The following LSAMP variants were observed in gnomAD, a reference collection of about 807,000 sequenced individuals.
LSAMP encodes the protein limbic system associated membrane protein.
LSAMP carries 7 observed loss-of-function variants against 38.6 expected under a neutral mutation model. The ratio of observed to expected loss-of-function variants is 0.18; its 90% CI spans 0.10 to 0.34. LSAMP has a LOEUF of 0.34. Ranked by LOEUF, LSAMP falls within the 10% of genes least tolerant of loss-of-function variation. LSAMP has a pLI of 1.00. For missense variants in LSAMP, 313 were observed against 420.0 expected, an observed-to-expected ratio of 0.75 and a Z score of 2.23; for synonymous variants, 154 against 166.8, an observed-to-expected ratio of 0.92 and a Z score of 0.59.
chr3:116,374,622 C>T (rs567943505), intron 1 of LSAMP, among the ~76,000 whole-genome samples: 1 of 151,976 alleles, frequency 6.6e-6, no homozygotes, highest in Non-Finnish European at 1.5e-5. Flanking sequence ...CTGAATTGTA[C>T]AGAATTTCAA....
intron 1 of LSAMP, among the ~76,000 whole-genome samples, chr3:116,328,332 G>A (rs938684972): frequency 6.6e-5 from 10 of 152,124 alleles, no homozygotes; most frequent in African/African-American, 9.7e-5. Flanking sequence ...AATTAGAATC[G>A]AAATTCTTTA....
intron 3 of LSAMP, among the ~76,000 whole-genome samples, chr3:115,875,752 T>A (rs16824221): frequency 0.19 from 28,753 of 151,774 alleles, 3,486 homozygotes; most frequent in African/African-American, 0.33. Flanking sequence ...ATAGGCCTTA[T>A]GATTGTGTTA....
intron 3 of LSAMP, among the ~76,000 whole-genome samples, chr3:115,969,853 T>C (rs373757495): frequency 2.2e-4 from 34 of 152,284 alleles, no homozygotes; most frequent in African/African-American, 7.7e-4. Flanking sequence ...AAAATGTTAC[T>C]TTTTAACGTC....
intron 1 of LSAMP, among the ~76,000 whole-genome samples, chr3:116,321,870 C>G (rs2047710973): frequency 6.6e-6 from 1 of 152,170 alleles, no homozygotes; most frequent in Admixed American, 6.5e-5. Flanking sequence ...CTTCCCTGCT[C>G]TTAAGGCTAG....
At chr3:115,964,594 G>C (rs551491175) in intron 3 of LSAMP, among the ~76,000 whole-genome samples, 6 of 152,132 alleles carry the variant, frequency 3.9e-5, no homozygotes, top group African/African-American at 1.4e-4. Context: ...TAGCAGGAAA[G>C]AAACAAAACA....
chr3:116,270,799 C>T (rs1003735964), intron 1 of LSAMP, among the ~76,000 whole-genome samples: 6 of 152,012 alleles, frequency 3.9e-5, no homozygotes, highest in South Asian at 2.1e-4. Context: ...CCAGGTTCTG[C>T]GAACAAAACC....
chr3:116,353,112 A>G (rs945892313), intron 1 of LSAMP, among the ~76,000 whole-genome samples: 2 of 152,062 alleles, frequency 1.3e-5, no homozygotes, highest in Non-Finnish European at 2.9e-5. Context: ...TGACCTCTGG[A>G]TAATCAGGGT....
chr3:116,234,829 T>C (rs888886856), intron 1 of LSAMP, among the ~76,000 whole-genome samples: 3 of 152,148 alleles, frequency 2.0e-5, no homozygotes, highest in Non-Finnish European at 4.4e-5. Flanking sequence ...AAGTGGAATG[T>C]ACCTCCCAAA....
chr3:116,392,925 C>T (rs1323718588), intron 1 of LSAMP, among the ~76,000 whole-genome samples: 1 of 152,128 alleles, frequency 6.6e-6, no homozygotes, highest in East Asian at 1.9e-4. Context: ...CAAGTTGCTG[C>T]AAAGAGGAAC....
At chr3:116,325,935 G>T (rs144277656) in intron 1 of LSAMP, among the ~76,000 whole-genome samples, 1 of 152,130 alleles carries the variant, frequency 6.6e-6, no homozygotes, top group African/African-American at 2.4e-5. Context: ...AAGCACAAGC[G>T]TATCCAAAGA....
intron 1 of LSAMP, among the ~76,000 whole-genome samples, chr3:116,306,698 C>T (rs1359807604): frequency 6.6e-6 from 1 of 151,970 alleles, no homozygotes; most frequent in African/African-American, 2.4e-5. Flanking sequence ...AACTATAAAA[C>T]AAAAGTCATA....
chr3:116,246,303 C>T (rs1421912649), intron 1 of LSAMP, among the ~76,000 whole-genome samples: 1 of 151,930 alleles, frequency 6.6e-6, no homozygotes, highest in Non-Finnish European at 1.5e-5. Context: ...GTATCATTGC[C>T]AGAATACATT....
intron 3 of LSAMP, among the ~76,000 whole-genome samples, chr3:116,009,076 A>G (rs1360439576): frequency 6.6e-6 from 1 of 152,166 alleles, no homozygotes. Flanking sequence ...TCTCTGAACC[A>G]CCTCTCAATC....
intron 3 of LSAMP, among the ~76,000 whole-genome samples, chr3:115,937,223 C>T (rs1937733039): frequency 6.6e-6 from 1 of 152,074 alleles, no homozygotes. Flanking sequence ...ATCGACCAAA[C>T]CATTAACAGC....
At chr3:116,223,857 C>A (rs910127418) in intron 1 of LSAMP, among the ~76,000 whole-genome samples, 1 of 152,122 alleles carries the variant, frequency 6.6e-6, no homozygotes, top group African/African-American at 2.4e-5. Context: ...TGCATACAAA[C>A]TATATAGAGA....
At chr3:115,884,366 C>T (rs1472780697) in intron 3 of LSAMP, among the ~76,000 whole-genome samples, 1 of 151,946 alleles carries the variant, frequency 6.6e-6, no homozygotes, top group Non-Finnish European at 1.5e-5. Context: ...TTTCTGATAG[C>T]TTTAAGATGG....
At chr3:116,403,494 G>GAA (rs542504536) in intron 1 of LSAMP, among the ~76,000 whole-genome samples, 1 of 146,176 alleles carries the variant, frequency 6.8e-6, no homozygotes, top group African/African-American at 2.5e-5. Flanking sequence ...TTCTTAAAAA[G>GAA]AAAAAAAAAA....
intron 1 of LSAMP, among the ~76,000 whole-genome samples, chr3:116,423,894 A>G (rs1327129417): frequency 6.6e-6 from 1 of 152,252 alleles, no homozygotes; most frequent in East Asian, 1.9e-4. Flanking sequence ...AAAGAGAAGA[A>G]GAACACAGCA....
intron 1 of LSAMP, among the ~76,000 whole-genome samples, chr3:116,329,106 A>C (rs919541530): frequency 2.6e-5 from 4 of 152,162 alleles, no homozygotes; most frequent in Admixed American, 6.5e-5. Flanking sequence ...AGAATAGGCT[A>C]TTGCCTGTAG....
Sources: allele counts gnomAD v4.1 joint callset (sites outside exome capture counted in the v4.1 genomes callset), GRCh38; gene constraint gnomAD v4.1.1; transcripts MANE v1.5; gene names NCBI Gene and HGNC (gene_info 2026-07-23, HGNC 2026-07-21).